RYR3: variants seen among roughly 807,000 people sequenced by gnomAD.
The protein encoded by RYR3 is brain ryanodine receptor-calcium release channel.
In RYR3, 207 loss-of-function variants were observed where a neutral mutation model predicts 584.3. The ratio of observed to expected loss-of-function variants is 0.35; its 90% CI spans 0.32 to 0.40. RYR3 has a LOEUF of 0.40. RYR3 is among the 10% of genes least tolerant of loss of function. The pLI, the probability that RYR3 is intolerant of heterozygous loss-of-function variation, is 1.00. For missense variants in RYR3, 5,616 were observed against 6,089.2 expected (o/e 0.92, Z 2.59); for synonymous variants, 2,416 against 2,248.5 (o/e 1.07, Z -2.11).
At chr15:33,312,796 T>TGCA (rs1287004604) in intron 1 of RYR3, among the ~76,000 whole-genome samples, 1 of 152,218 alleles carries the variant, frequency 6.6e-6, no homozygotes, top group African/African-American at 2.4e-5. Context: ...GAGATCCTTA[T>TGCA]GCTTTTCTCT....
At chr15:33,326,653 AG>A (rs1297626094) in intron 1 of RYR3, among the ~76,000 whole-genome samples, 4 of 152,198 alleles carry the variant, frequency 2.6e-5, no homozygotes, top group Non-Finnish European at 4.4e-5. Flanking sequence ...GCAGTATAAA[AG>A]TATGTGACAT....
intron 74 of RYR3, 111 bp from the exon 75 acceptor site, chr15:33,816,751 A>T: frequency 1.6e-6 from 1 of 637,828 alleles, no homozygotes. Context: ...GACCAATCAG[A>T]AGACAAGAAT....
chr15:33,325,395 A>T (rs540586096), intron 1 of RYR3, among the ~76,000 whole-genome samples: 1 of 152,220 alleles, frequency 6.6e-6, no homozygotes, highest in South Asian at 2.1e-4. Flanking sequence ...TTTTATTGAC[A>T]GTTGAAGTTA....
At chr15:33,795,637 A>G (rs1342994359) in intron 67 of RYR3, among the ~76,000 whole-genome samples, 2 of 151,310 alleles carry the variant, frequency 1.3e-5, no homozygotes, top group Non-Finnish European at 2.9e-5. Flanking sequence ...CAGCTGATCC[A>G]CCCACCTTGG....
rs1452618001 is a variant in RYR3 at position 33,311,541 on chromosome 15, A to G, written c.51+445A>G. Among the ~76,000 whole-genome samples, 2 of 151,870 alleles carry G rather than the reference A, an allele frequency of 1.3e-5. No homozygotes were observed. The highest frequency in any genetic ancestry group is 2.9e-5 in the Non-Finnish European group (2 of 67,952). On this transcript the variant is annotated intron_variant, in intron 1 of 103. Coordinates refer to ENST00000634891, the MANE Select transcript of RYR3 (RefSeq NM_001036.6). This position sits in a 1 kb window ranked among gnomAD's most constrained non-coding sequence, Gnocchi z 4.4. ...CCAGGGCGCCCCCACGCACAGGGGA[A>G]CCTCCGGGAAGGAGCCAGCGGGGCA...
chr15:33,712,182 T>C (rs1296653110), intron 43 of RYR3, among the ~76,000 whole-genome samples: 1 of 152,136 alleles, frequency 6.6e-6, no homozygotes. Flanking sequence ...GCCAGATCTC[T>C]TAAGAACTCA....
At chr15:33,827,353 A>T in intron 85 of RYR3, 66 bp downstream of exon 85, 4 of 1,430,388 alleles carry the variant, frequency 2.8e-6, no homozygotes, top group Non-Finnish European at 3.9e-6. Context: ...ACACAGTTAC[A>T]CAGGGTCAGG....
intron 1 of RYR3, among the ~76,000 whole-genome samples, chr15:33,367,832 C>T (rs17235975): frequency 0.048 from 7,336 of 152,078 alleles, 203 homozygotes; most frequent in Non-Finnish European, 0.075. Context: ...TCAAGAATCC[C>T]GAGAGATTTT....
intron 38 of RYR3, among the ~76,000 whole-genome samples, chr15:33,689,138 T>C (rs1442567200): frequency 6.9e-6 from 1 of 145,374 alleles, no homozygotes; most frequent in Non-Finnish European, 1.5e-5. Context: ...AACCAAACAC[T>C]CCATGTTCTC....
At chr15:33,547,444 A>G (rs1462556177) in intron 8 of RYR3, among the ~76,000 whole-genome samples, 1 of 152,202 alleles carries the variant, frequency 6.6e-6, no homozygotes, top group Non-Finnish European at 1.5e-5. Flanking sequence ...GTTTTGACAA[A>G]CGTACCCTGG....
intron 42 of RYR3, 78 bp downstream of exon 42, chr15:33,701,158 G>T: frequency 1.2e-6 from 1 of 858,772 alleles, no homozygotes; most frequent in Non-Finnish European, 1.9e-6. Flanking sequence ...GCAGACCACG[G>T]ATGGAGTCTC....
intron 1 of RYR3, among the ~76,000 whole-genome samples, chr15:33,327,827 T>G (rs1969909729): frequency 6.6e-6 from 1 of 152,194 alleles, no homozygotes; most frequent in Non-Finnish European, 1.5e-5. Flanking sequence ...GATTTTTCAT[T>G]CATCATTTCT....
At chr15:33,596,727 T>C (rs550590928) in intron 16 of RYR3, among the ~76,000 whole-genome samples, 1 of 152,304 alleles carries the variant, frequency 6.6e-6, no homozygotes, top group South Asian at 2.1e-4. Flanking sequence ...AACTATTAGA[T>C]TGGTGCAAAA....
chr15:33,486,882 G>A (rs941778268), intron 2 of RYR3, among the ~76,000 whole-genome samples: 2 of 152,108 alleles, frequency 1.3e-5, no homozygotes, highest in African/African-American at 4.8e-5. Flanking sequence ...CTCAGAGTGA[G>A]AAGTGGTGCC....
At chr15:33,752,131 A>G (rs1341456108) in intron 57 of RYR3, among the ~76,000 whole-genome samples, 2 of 152,148 alleles carry the variant, frequency 1.3e-5, no homozygotes, top group Non-Finnish European at 2.9e-5. Flanking sequence ...TTGTTACTGT[A>G]GCCTTGTAGT....
At chr15:33,572,119 A>T (rs1595653846) in intron 12 of RYR3, among the ~76,000 whole-genome samples, 3 of 152,336 alleles carry the variant, frequency 2.0e-5, no homozygotes, top group Admixed American at 2.0e-4. Flanking sequence ...CACATATATT[A>T]TATCTTCATA....
At chr15:33,604,145 C>T (rs1044767771) in intron 18 of RYR3, among the ~76,000 whole-genome samples, 2 of 152,354 alleles carry the variant, frequency 1.3e-5, no homozygotes, top group Non-Finnish European at 1.5e-5. Context: ...GGAGACGTCG[C>T]GTCCCTTATA....
chr15:33,463,877 T>C (rs2142099879), intron 1 of RYR3, among the ~76,000 whole-genome samples: 1 of 152,288 alleles, frequency 6.6e-6, no homozygotes, highest in South Asian at 2.1e-4. Context: ...GGGTGCCTCT[T>C]TTGTCAGTCC....
intron 2 of RYR3, among the ~76,000 whole-genome samples, chr15:33,496,801 C>T (rs2051469295): frequency 6.6e-6 from 1 of 152,162 alleles, no homozygotes. Flanking sequence ...CTAATCACAT[C>T]ATCCCTGGGA....
Sources: allele counts gnomAD v4.1 joint callset (sites outside exome capture counted in the v4.1 genomes callset), GRCh38; gene constraint gnomAD v4.1.1; non-coding constraint Gnocchi (gnomAD v3.1); transcripts MANE v1.5; gene names NCBI Gene and HGNC (gene_info 2026-07-23, HGNC 2026-07-21).